The following OGT variants were observed in gnomAD, a reference collection of about 807,000 sequenced individuals.
OGT encodes the protein O-linked N-acetylglucosamine (GlcNAc) transferase.
OGT carries 3 observed loss-of-function variants against 75.8 expected under a neutral mutation model. The ratio of observed to expected loss-of-function variants is 0.04; its 90% confidence interval spans 0.02 to 0.10. OGT has a LOEUF of 0.10. Among genes scored for constraint, OGT ranks in the 10% least tolerant of loss-of-function variants. The probability of loss-of-function intolerance (pLI) is 1.00; values close to 1 mark genes in which losing one functional copy is unlikely to be tolerated. For synonymous variants in OGT, 257 were observed against 289.7 expected, an observed-to-expected ratio of 0.89 and a Z score of 1.15; for missense variants, 260 against 824.4, an observed-to-expected ratio of 0.32 and a Z score of 8.38.
chrX:71,539,815 C>T (rs2040205136), intron 3 of OGT, among the ~76,000 whole-genome samples: 1 of 111,510 alleles, frequency 9.0e-6, no homozygotes, highest in South Asian at 3.7e-4. Flanking sequence ...ATAGTGTACC[C>T]TCTTACACAG....
At position 71,567,700 on chromosome X, in the gene OGT, C is replaced by T. The variant is rs137859805; in HGVS notation, c.2790C>T (p.His930=). 9.1e-6 allele frequency: 11 copies of T among 1,206,505 alleles called. No individual in the cohort carries two copies. The African/African-American group carries it at 1.6e-4, about 17-fold the overall frequency. Residue 930 remains histidine (H), a synonymous_variant, in exon 20 of 22, where the codon CAC becomes CAT. Coordinates refer to ENST00000373719, the MANE Select transcript of OGT (RefSeq NM_181672.3). The part of the protein sequence containing the change: ...VCLDTPLCNG[H]TTGMDVLWAG... ...TGGACACTCCACTCTGTAATGGGCA[C>T]ACCACAGGGATGGATGTCCTCTGGG...
At chrX:71,539,933 A>G (rs1276788150) in intron 3 of OGT, among the ~76,000 whole-genome samples, 1 of 112,273 alleles carries the variant, frequency 8.9e-6, no homozygotes, top group Non-Finnish European at 1.9e-5. Context: ...AAGCAGTAGG[A>G]CTATGCTGAG....
intron 20 of OGT, 70 bp downstream of exon 20, chrX:71,567,822 C>T: frequency 9.0e-7 from 1 of 1,114,995 alleles, no homozygotes; most frequent in Non-Finnish European, 1.2e-6. Context: ...GAGAAACTTC[C>T]AGGTGAAATT....
chrX:71,534,641 T>C (rs990236702), intron 1 of OGT, among the ~76,000 whole-genome samples: 7 of 111,044 alleles, frequency 6.3e-5, no homozygotes, highest in Non-Finnish European at 1.3e-4. Context: ...CGTGCTCCTC[T>C]CCCCACGTCT....
chrX:71,555,232 T>C lies in OGT; in HGVS notation c.771T>C (p.Asn257=). Reference sequence around the variant, plus strand: ...TTCGTGCCCTAAGTTTGAGTCCAAATCACGCAGTGGTGCACGGCAACCTGG... The same window carrying C: ...TTCGTGCCCTAAGTTTGAGTCCAAACCACGCAGTGGTGCACGGCAACCTGG... ...AYLRALSLSP[N]HAVVHGNLAC... The change falls in exon 7 of 22, where the codon AAT becomes AAC. Residue 257 remains asparagine (N), a synonymous_variant. Coordinates refer to ENST00000373719, the MANE Select transcript of OGT (RefSeq NM_181672.3). 8.3e-7 allele frequency: 1 copy of C among 1,206,449 alleles called. No individual in the cohort carries two copies. The highest frequency in any genetic ancestry group is 1.8e-5 in the South Asian group (1 of 56,628).
At chrX:71,569,238 G>A (rs1477796971) in intron 21 of OGT, among the ~76,000 whole-genome samples, 10 of 111,847 alleles carry the variant, frequency 8.9e-5, no homozygotes, top group Non-Finnish European at 1.5e-4. Flanking sequence ...TGAGGCAGGA[G>A]AATGGCATGA....
At position 71,563,186 on chromosome X, in the gene OGT, T is replaced by C. The variant is rs1318520241; in HGVS notation, c.2205T>C (p.Val735=). The change falls in exon 17 of 22, where the codon GTT becomes GTC. Residue 735 remains valine, a synonymous_variant. Transcript: ENST00000373719. ...SNGHIYDNRI[V]LNGIDLKAFL... ...GGCACATTTATGACAATCGGATAGT[T>C]CTGAATGGCATCGACCTCAAAGCAT... 1 of 1,212,022 alleles carries C rather than the reference T, an allele frequency of 8.3e-7. No individual in the cohort carries two copies. Among genetic ancestry groups the C allele is most frequent in the Non-Finnish European group, 1.1e-6 (1 of 895,402 alleles).
Position 71,557,091 on chromosome X carries a change from G to T in OGT, c.1306G>T (p.Ala436Ser). ...ATTTGCAGATGCACATAGCAATCTG[G>T]CTTCCATTCATAAGGTACTACTGTT... ...PAFADAHSNL[A>S]SIHKDSGNIP... Residue 436 changes from alanine to serine, a missense_variant, in exon 10 of 22, where the codon GCT becomes TCT. Coordinates refer to ENST00000373719, the MANE Select transcript of OGT (RefSeq NM_181672.3). 8.3e-7 allele frequency: 1 copy of T among 1,211,177 alleles called. No individual in the cohort carries two copies. The highest frequency in any genetic ancestry group is 1.1e-6 in the Non-Finnish European group (1 of 894,871).
intron 21 of OGT, among the ~76,000 whole-genome samples, chrX:71,570,015 T>G (rs1436684555): frequency 2.4e-3 from 223 of 91,614 alleles, no homozygotes; most frequent in African/African-American, 9.1e-3. Context: ...ATTACAGGAG[T>G]GAGCCACTGT....
chrX:71,573,219 G>C (rs1175173057), intron 21 of OGT, among the ~76,000 whole-genome samples: 3 of 112,061 alleles, frequency 2.7e-5, no homozygotes, highest in Non-Finnish European at 5.6e-5. Flanking sequence ...AAGTGTTACT[G>C]TTAGGCCAGA....
intron 21 of OGT, among the ~76,000 whole-genome samples, chrX:71,569,490 T>A (rs2040439091): frequency 9.0e-6 from 1 of 111,153 alleles, no homozygotes; most frequent in Admixed American, 9.6e-5. Flanking sequence ...AGTATTTCTT[T>A]CATTCTTTTA....
chrX:71,567,622 T>G lies in OGT; in HGVS notation c.2712T>G (p.Pro904=). Reference sequence around the variant, plus strand: ...CCCAGAACCGTATCATTTTTTCACCTGTTGCTCCTAAAGAGGAACACGTCA... The same window carrying G: ...CCCAGAACCGTATCATTTTTTCACCGGTTGCTCCTAAAGAGGAACACGTCA... ...GLPQNRIIFS[P]VAPKEEHVRR... The change falls in exon 20 of 22, where the codon CCT becomes CCG. Residue 904 remains proline (P), a synonymous_variant. Transcript: ENST00000373719. 2 of 1,211,595 alleles carry G rather than the reference T, an allele frequency of 1.7e-6. No homozygotes were observed. Among genetic ancestry groups the G allele is most frequent in the African/African-American group, 1.7e-5 (1 of 57,935 alleles).
chrX:71,547,096 G>A, intron 4 of OGT: 2 of 754,694 alleles, frequency 2.7e-6, no homozygotes, highest in Non-Finnish European at 3.1e-6. Flanking sequence ...CGATGTTTGC[G>A]CTCGCATTAC....
chrX:71,533,496 T>C (rs1020817201), intron 1 of OGT, among the ~76,000 whole-genome samples, 160 bp downstream of exon 1: 7 of 111,921 alleles, frequency 6.3e-5, no homozygotes, highest in African/African-American at 2.0e-4. Flanking sequence ...CACATCGGGT[T>C]TTCCGCTGTT....
chrX:71,542,915 A>G (rs1168900380), intron 3 of OGT, among the ~76,000 whole-genome samples: 1 of 111,996 alleles, frequency 8.9e-6, no homozygotes, highest in African/African-American at 3.2e-5. Flanking sequence ...GGTACCTTTG[A>G]TGTTTTGAGG....
intron 5 of OGT, among the ~76,000 whole-genome samples, chrX:71,552,090 C>CGT: frequency 9.3e-6 from 1 of 107,395 alleles, no homozygotes; most frequent in East Asian, 3.0e-4. Flanking sequence ...GGTGCGGTGG[C>CGT]GTGTGCCTGT....
In OGT at chrX:71,557,508, A is replaced by G; in HGVS notation, c.1438A>G (p.Thr480Ala). Residue 480 changes from threonine (T) to alanine (A), a missense_variant, in exon 12 of 22, where the codon ACA becomes GCA. Around this residue, in one of 6 missense-constraint regions of OGT, gnomAD observed 99 missense variants for 417.9 expected, o/e 0.24. Transcript: ENST00000373719. ...AHCLQIVCDWTDYDERMKKLV... is the reference protein window; with the variant it reads ...AHCLQIVCDWADYDERMKKLV... Reference sequence around the variant, plus strand: ...CTTTCTCTAGATTGTCTGTGATTGGACAGACTATGATGAGCGAATGAAGAA... The same window carrying G: ...CTTTCTCTAGATTGTCTGTGATTGGGCAGACTATGATGAGCGAATGAAGAA... The G allele has an allele frequency of 8.3e-7, 1 of 1,206,525 alleles. No individual in the cohort carries two copies. The highest frequency in any genetic ancestry group is 1.1e-6 in the Non-Finnish European group (1 of 893,822).
chrX:71,558,877 G>A (rs1166716077), intron 12 of OGT, among the ~76,000 whole-genome samples: 3 of 100,529 alleles, frequency 3.0e-5, no homozygotes, highest in Non-Finnish European at 4.0e-5. Flanking sequence ...AGGTTTGGGC[G>A]ATTCTCCCAC....
At chrX:71,544,512 T>C (rs756289049) in intron 3 of OGT, 55 bp from the exon 4 acceptor site, 1 of 1,067,537 alleles carries the variant, frequency 9.4e-7, no homozygotes, top group African/African-American at 1.8e-5. Flanking sequence ...GATTTCAAGA[T>C]ATTTTTAATT....
Sources: gnomAD v4.1 joint callset for allele counts (sites outside exome capture counted in the v4.1 genomes callset) on GRCh38, gnomAD v4.1.1 for gene constraint, gnomAD v4.1.1 regional missense constraint, MANE v1.5 for transcripts, NCBI Gene and HGNC (gene_info 2026-07-23, HGNC 2026-07-21) for gene names.